The following NDUFA10 variants were observed in gnomAD, a reference collection of about 807,000 sequenced individuals.
NDUFA10 encodes the protein NADH:ubiquinone oxidoreductase subunit A10.
A neutral mutation model predicts 47.8 loss-of-function variants in NDUFA10; 40 were observed. The observed-to-expected ratio is 0.84, with a 90% CI of 0.65 to 1.09. The LOEUF is 1.09. NDUFA10 is among the 50% of genes least tolerant of loss of function. NDUFA10 has a pLI of 0.00. For missense variants in NDUFA10, 413 were observed against 451.1 expected, an observed-to-expected ratio of 0.92 and a Z score of 0.76; for synonymous variants, 183 against 172.2, an observed-to-expected ratio of 1.06 and a Z score of -0.49.
intron 4 of NDUFA10, among the ~76,000 whole-genome samples, chr2:239,898,345 G>A (rs775993305): frequency 5.3e-5 from 8 of 152,224 alleles, no homozygotes; most frequent in African/African-American, 1.7e-4. Context: ...GCCTGCGCCC[G>A]GGGCTGTTTG....
intron 4 of NDUFA10, among the ~76,000 whole-genome samples, chr2:239,923,551 G>A (rs900174799): frequency 3.9e-5 from 6 of 151,942 alleles, no homozygotes; most frequent in East Asian, 1.9e-4. Flanking sequence ...TATCCTAGAA[G>A]AAAAGTAAAT....
At chr2:239,938,578 A>T (rs1169697994) in intron 4 of NDUFA10, among the ~76,000 whole-genome samples, 1 of 152,144 alleles carries the variant, frequency 6.6e-6, no homozygotes, top group Non-Finnish European at 1.5e-5. Context: ...CTTCCTGCCC[A>T]GTGGGGTCTG....
downstream of NDUFA10, among the ~76,000 whole-genome samples, chr2:239,953,564 G>C (rs111772002): frequency 1.9e-3 from 290 of 152,314 alleles, 1 homozygote; most frequent in African/African-American, 6.7e-3. Context: ...CCTGCAGGAG[G>C]AGCACTCGGT....
At chr2:239,991,313 T>G (rs1696237418) in intron 8 of NDUFA10, among the ~76,000 whole-genome samples, 1 of 152,206 alleles carries the variant, frequency 6.6e-6, no homozygotes, top group Non-Finnish European at 1.5e-5. Flanking sequence ...CGGTTAGTGA[T>G]CCAATAATGC....
chr2:239,958,915 C>G lies in NDUFA10; in HGVS notation c.*2203G>C, dbSNP rs1364233761. 1 of 983,668 alleles carries G rather than the reference C, an allele frequency of 1.0e-6. No individual in the cohort carries two copies. Among genetic ancestry groups the G allele is most frequent in the East Asian group, 1.1e-4 (1 of 8,826 alleles). 60.9% of individuals were successfully genotyped at this position (983,668 alleles called of 1,614,324 possible). ...CCAACATGGAATCCTGGAAAATGCA[C>G]GATTATTTTGATCCTGGTTTGTTGG... On this transcript the variant is annotated 3_prime_UTR_variant, in exon 10 of 10. Coordinates refer to ENST00000252711, the MANE Select transcript of NDUFA10 (RefSeq NM_004544.4).
At chr2:239,973,115 G>A (rs1048386088) in intron 9 of NDUFA10, among the ~76,000 whole-genome samples, 3 of 152,268 alleles carry the variant, frequency 2.0e-5, no homozygotes, top group East Asian at 1.9e-4. Flanking sequence ...ACAGATTAAC[G>A]CCGAGTTTCT....
chr2:239,914,221 CAG>C (rs1390844974), intron 4 of NDUFA10, among the ~76,000 whole-genome samples: 15 of 149,508 alleles, frequency 1.0e-4, no homozygotes, highest in Non-Finnish European at 3.0e-5. Flanking sequence ...CACACAGAGA[CAG>C]AGATACACAA....
At chr2:239,948,855 C>T (rs1049436358) in intron 4 of NDUFA10, among the ~76,000 whole-genome samples, 1 of 152,222 alleles carries the variant, frequency 6.6e-6, no homozygotes, top group Non-Finnish European at 1.5e-5. Context: ...CAGCAGAGGC[C>T]TGTGTATTTA....
chr2:239,980,190 C>T (rs1050951903), intron 9 of NDUFA10, among the ~76,000 whole-genome samples: 3 of 152,194 alleles, frequency 2.0e-5, no homozygotes, highest in African/African-American at 4.8e-5. Context: ...GCTTCACTCT[C>T]GGGTGTGGCC....
intron 9 of NDUFA10, among the ~76,000 whole-genome samples, chr2:239,978,643 G>A (rs1207145157): frequency 6.6e-6 from 1 of 152,196 alleles, no homozygotes; most frequent in Non-Finnish European, 1.5e-5. Flanking sequence ...ATGAGTCAGT[G>A]GTCTGTTTCC....
intron 4 of NDUFA10, among the ~76,000 whole-genome samples, chr2:239,902,783 G>A (rs1693577317): frequency 6.6e-6 from 1 of 152,150 alleles, no homozygotes; most frequent in South Asian, 2.1e-4. Context: ...GGTTCCTGAG[G>A]CAAACAAAGC....
At chr2:239,915,916 GCA>G (rs2106476018) in intron 4 of NDUFA10, among the ~76,000 whole-genome samples, 1 of 122,120 alleles carries the variant, frequency 8.2e-6, no homozygotes, top group East Asian at 2.5e-4. Flanking sequence ...TACACACACA[GCA>G]CACACACATA....
At chr2:239,943,768 A>G (rs1330482539) in intron 4 of NDUFA10, among the ~76,000 whole-genome samples, 2 of 152,122 alleles carry the variant, frequency 1.3e-5, no homozygotes, top group African/African-American at 4.8e-5. Flanking sequence ...ATAAACACAG[A>G]GACTGAGAGA....
rs139391167 is a variant in NDUFA10, at chr2:239,993,592, C to T, written c.891-3410G>A. On this transcript the variant is annotated intron_variant, in intron 8 of 9. Coordinates refer to ENST00000252711, the MANE Select transcript of NDUFA10 (RefSeq NM_004544.4). ...TATGACTAAATGAAGATAGGCCACT[C>T]AAAGATTCAAGTAAAGAGAAAACAG... 4.7e-3 allele frequency among the ~76,000 whole-genome samples: 719 copies of T among 152,084 alleles called. 4 individuals carry two copies. The highest frequency in any genetic ancestry group is 0.014 in the Middle Eastern group (4 of 294).
intron 9 of NDUFA10, chr2:239,969,626 T>G (rs750084013): frequency 1.3e-5 from 6 of 470,944 alleles, no homozygotes; most frequent in Non-Finnish European, 2.6e-5. Context: ...TTTCTTCCTG[T>G]CTCTTGTCAC....
intron 4 of NDUFA10, among the ~76,000 whole-genome samples, chr2:239,899,404 T>C (rs1398486628): frequency 1.6e-5 from 2 of 124,136 alleles, no homozygotes. Flanking sequence ...AGAGGTATGA[T>C]GCAGAGGTGT....
intron 9 of NDUFA10, among the ~76,000 whole-genome samples, chr2:239,973,940 T>A (rs986172285): frequency 3.9e-5 from 6 of 152,140 alleles, no homozygotes; most frequent in African/African-American, 1.4e-4. Flanking sequence ...TTAATTTTAG[T>A]TTTTTTGAGA....
downstream of NDUFA10, among the ~76,000 whole-genome samples, chr2:239,952,625 C>CTCCCCGAGGCCTCCG (rs879922001): frequency 4.2e-3 from 633 of 152,326 alleles, 4 homozygotes; most frequent in African/African-American, 0.015. Flanking sequence ...AGAGGCCTCC[C>CTCCCCGAGGCCTCCG]TCCCCTGGAT....
chr2:240,005,396 T>C (rs1696912323), intron 7 of NDUFA10, 101 bp from the exon 8 acceptor site: 1 of 901,724 alleles, frequency 1.1e-6, no homozygotes, highest in African/African-American at 1.6e-5. Flanking sequence ...TCATCCAGGC[T>C]GGAAAGTAGT....
Sources: gnomAD v4.1 joint callset for allele counts (sites outside exome capture counted in the v4.1 genomes callset) on GRCh38, gnomAD v4.1.1 for gene constraint, MANE v1.5 for transcripts, NCBI Gene and HGNC (gene_info 2026-07-23, HGNC 2026-07-21) for gene names.